The following PYHIN1 variants were observed in gnomAD, a reference collection of about 807,000 sequenced individuals.
The protein encoded by PYHIN1 is pyrin and HIN domain family member 1.
In PYHIN1, 32 loss-of-function variants were observed where a neutral mutation model predicts 43.7. That is an observed-to-expected ratio of 0.73 (90% CI 0.55 to 0.98). PYHIN1 has a LOEUF of 0.98. Ranked by LOEUF, PYHIN1 falls within the 50% of genes least tolerant of loss-of-function variation. PYHIN1 has a pLI of 0.00. For synonymous variants in PYHIN1, 205 were observed against 203.1 expected (o/e 1.01, Z -0.08); for missense variants, 588 against 589.5 (o/e 1.00, Z 0.03).
At chr1:158,963,833 G>C (rs928602949) in intron 7 of PYHIN1, among the ~76,000 whole-genome samples, 1 of 152,210 alleles carries the variant, frequency 6.6e-6, no homozygotes, top group Non-Finnish European at 1.5e-5. Context: ...AGAGTGTCTT[G>C]TTTCCTCCAA....
Position 158,941,979 on chromosome 1 carries a change from C to A in PYHIN1, c.582C>A (p.Ser194Arg), listed in dbSNP as rs760867435. The change falls in exon 5 of 9, where the codon AGC becomes AGA. Residue 194 changes from serine to arginine, a missense_variant and splice_region_variant. Ser to Arg is a moderately radical substitution (Grantham distance 110). Coordinates refer to ENST00000368140, the MANE Select transcript of PYHIN1 (RefSeq NM_152501.5). ...SAPPNTSSTE[S>R]LKPLANRHAT... is the part of the protein sequence containing the mutation. The stretch of plus-strand genomic sequence containing the variant: ...TATTCCTTTTGTATCATGCGCAGAG[C>A]CTAAAACCATTGGCCAACCGTCACG... 7 of 1,599,062 alleles carry A rather than the reference C, an allele frequency of 4.4e-6. No homozygotes were observed. Among genetic ancestry groups the A allele is most frequent in the Non-Finnish European group, 3.4e-6 (4 of 1,173,330 alleles).
At chr1:158,941,933 C>T (rs1394215809) in intron 4 of PYHIN1, 44 bp from the exon 5 acceptor site, 3 of 1,519,334 alleles carry the variant, frequency 2.0e-6, no homozygotes, top group African/African-American at 2.8e-5. Flanking sequence ...CTGTATTCCT[C>T]ACTCAAAAAT....
intron 7 of PYHIN1, among the ~76,000 whole-genome samples, chr1:158,964,895 C>G (rs564759230): frequency 2.6e-5 from 4 of 151,996 alleles, no homozygotes; most frequent in Non-Finnish European, 5.9e-5. Context: ...CAATATTAAC[C>G]TTTAATGTAA....
rs371608217 is a variant in PYHIN1, at chr1:158,938,389, T to C, written c.266-8T>C. 3.1e-6 allele frequency: 5 copies of C among 1,613,982 alleles called. No individual in the cohort carries two copies. Among genetic ancestry groups the C allele is most frequent in the African/African-American group, 2.7e-5 (2 of 74,942 alleles). ...TGGGTTTATACATCTTCCTTTTTTC[T>C]GCATTAGTTGCAAATAAAATTGAAT... On this transcript the variant is annotated splice_polypyrimidine_tract_variant and splice_region_variant and intron_variant, in intron 2 of 8. Coordinates refer to ENST00000368140, the MANE Select transcript of PYHIN1 (RefSeq NM_152501.5).
chr1:158,939,017 G>A, intron 3 of PYHIN1, 63 bp from the exon 4 acceptor site: 1 of 1,261,412 alleles, frequency 7.9e-7, no homozygotes, highest in East Asian at 2.5e-5. Context: ...ACCTTGTAAT[G>A]AAAATGTGCT....
At chr1:158,958,303 A>G (rs1650089454) in intron 7 of PYHIN1, among the ~76,000 whole-genome samples, 1 of 148,432 alleles carries the variant, frequency 6.7e-6, no homozygotes, top group African/African-American at 2.5e-5. Flanking sequence ...AGACACATGC[A>G]CACGTATGTT....
At chr1:158,945,705 T>A (rs1298873267) in intron 7 of PYHIN1, among the ~76,000 whole-genome samples, 1 of 152,162 alleles carries the variant, frequency 6.6e-6, no homozygotes, top group East Asian at 1.9e-4. Context: ...TGATCTGGGG[T>A]TTCCCTTAAT....
intron 7 of PYHIN1, among the ~76,000 whole-genome samples, chr1:158,971,690 T>A (rs962865016): frequency 1.3e-5 from 2 of 152,028 alleles, no homozygotes; most frequent in Non-Finnish European, 2.9e-5. Flanking sequence ...AAAATGGCTT[T>A]CATCCATTTG....
At chr1:158,976,640 G>GA in intron 8 of PYHIN1, 61 bp from the exon 9 acceptor site, 1 of 1,339,912 alleles carries the variant, frequency 7.5e-7, no homozygotes. Context: ...TGTGATTGAA[G>GA]AAAGAAATGT....
intron 7 of PYHIN1, among the ~76,000 whole-genome samples, chr1:158,956,806 G>A (rs1649963005): frequency 6.9e-6 from 1 of 144,808 alleles, no homozygotes; most frequent in Admixed American, 6.9e-5. Context: ...AAAAGAGGAA[G>A]TCAAATTGTC....
At chr1:158,987,905 A>G in the PYHIN1 span, among the ~76,000 whole-genome samples, 1 of 152,200 alleles carries the variant, frequency 6.6e-6, no homozygotes, top group Admixed American at 6.5e-5. Context: ...TCATATGACT[A>G]TGCCTTATAA....
chr1:158,942,911 T>G (rs892278323), intron 5 of PYHIN1, among the ~76,000 whole-genome samples: 2 of 152,140 alleles, frequency 1.3e-5, no homozygotes, highest in African/African-American at 4.8e-5. Flanking sequence ...CCAAATGAAA[T>G]GCATTCATCA....
chr1:158,985,875 C>T, the PYHIN1 span, among the ~76,000 whole-genome samples: 2 of 151,952 alleles, frequency 1.3e-5, no homozygotes, highest in Admixed American at 6.6e-5. Flanking sequence ...TTATTTTTAT[C>T]TGACTGAGTT....
intron 1 of PYHIN1, among the ~76,000 whole-genome samples, chr1:158,934,605 A>G (rs1047905146): frequency 1.3e-5 from 2 of 152,168 alleles, no homozygotes; most frequent in Admixed American, 6.5e-5. Flanking sequence ...ATGCTTATCA[A>G]TCTGAGGACA....
At chr1:158,937,262 T>C (rs1648617764) in intron 2 of PYHIN1, 87 bp downstream of exon 2, 2 of 1,399,318 alleles carry the variant, frequency 1.4e-6, no homozygotes, top group Non-Finnish European at 1.9e-6. Flanking sequence ...TCGTAGCTGA[T>C]ACATCCTTTT....
intron 7 of PYHIN1, 125 bp downstream of exon 7, chr1:158,945,167 C>A: frequency 2.0e-6 from 2 of 986,166 alleles, no homozygotes; most frequent in East Asian, 2.6e-5. Context: ...ATTAAATCAC[C>A]CATGTATTTA....
chr1:158,968,383 A>C (rs563825528), intron 7 of PYHIN1, among the ~76,000 whole-genome samples: 1 of 152,212 alleles, frequency 6.6e-6, no homozygotes, highest in South Asian at 2.1e-4. Flanking sequence ...GCAAATCAAA[A>C]CCACAATGAG....
chr1:158,943,809 C>T lies in PYHIN1; in HGVS notation c.1022C>T (p.Thr341Met), dbSNP rs373907087. Reference sequence around the variant, plus strand: ...TTGCAGAAAATTGTAAATAGGAAGACGACAATCTATGAAATTCAGGATAAA... The same window carrying T: ...TTGCAGAAAATTGTAAATAGGAAGATGACAATCTATGAAATTCAGGATAAA... Reference protein sequence around the residue: ...MLHTKIVNRKTTIYEIQDKTG... With the variant: ...MLHTKIVNRKMTIYEIQDKTG... Residue 341 changes from threonine to methionine, a missense_variant, in exon 6 of 9, where the codon ACG becomes ATG. Thr to Met is a moderately conservative substitution (Grantham distance 81). Coordinates refer to ENST00000368140, the MANE Select transcript of PYHIN1 (RefSeq NM_152501.5). The T allele has an allele frequency of 6.6e-5, 106 of 1,599,106 alleles. No homozygotes were observed. The highest frequency in any genetic ancestry group is 1.8e-4 in the East Asian group (8 of 44,684).
intron 7 of PYHIN1, among the ~76,000 whole-genome samples, chr1:158,953,185 G>A (rs957589140): frequency 9.8e-5 from 7 of 71,428 alleles, no homozygotes; most frequent in Admixed American, 1.7e-4. Context: ...AGGGGCGCCC[G>A]CCATTGCCCA....
Sources: allele counts gnomAD v4.1 joint callset (sites outside exome capture counted in the v4.1 genomes callset), GRCh38; gene constraint gnomAD v4.1.1; transcripts MANE v1.5; gene names NCBI Gene and HGNC (gene_info 2026-07-23, HGNC 2026-07-21).